Variants in SUSD6 observed in about 807,000 individuals in gnomAD.
SUSD6 encodes sushi domain-containing protein 6.
A neutral mutation model predicts 28.4 loss-of-function variants in SUSD6; 16 were observed. The observed-to-expected ratio is 0.56, with a 90% CI of 0.38 to 0.86. The LOEUF (loss-of-function observed/expected upper bound fraction) is 0.86. Ranked by LOEUF, SUSD6 falls within the 40% of genes least tolerant of loss-of-function variation. The probability of loss-of-function intolerance (pLI) is 0.00; values close to 1 mark genes in which losing one functional copy is unlikely to be tolerated. For missense variants in SUSD6, 341 were observed against 384.2 expected, an observed-to-expected ratio of 0.89 and a Z score of 0.94; for synonymous variants, 147 against 159.6, an observed-to-expected ratio of 0.92 and a Z score of 0.59.
intron 1 of SUSD6, among the ~76,000 whole-genome samples, chr14:69,614,878 G>A (rs147936629): frequency 3.2e-4 from 48 of 152,320 alleles, no homozygotes; most frequent in African/African-American, 1.1e-3. Flanking sequence ...TTGCAGGCCC[G>A]AATGTCAGCA....
chr14:69,648,370 G>C (rs538407168), intron 1 of SUSD6, among the ~76,000 whole-genome samples: 2 of 152,296 alleles, frequency 1.3e-5, no homozygotes, highest in African/African-American at 4.8e-5. Flanking sequence ...AACACAAGTA[G>C]AATCCAAGTC....
At chr14:69,677,296 A>G (rs1350350118) in intron 2 of SUSD6, among the ~76,000 whole-genome samples, 2 of 152,246 alleles carry the variant, frequency 1.3e-5, no homozygotes, top group Non-Finnish European at 2.9e-5. Flanking sequence ...CTGTAATCCC[A>G]GCACTTTGGG....
chr14:69,619,875 C>A (rs750865001), intron 1 of SUSD6, among the ~76,000 whole-genome samples: 11 of 152,220 alleles, frequency 7.2e-5, no homozygotes, highest in Non-Finnish European at 1.6e-4. Context: ...CCTACCAAAC[C>A]CTTCAGAGCT....
At chr14:69,696,559 T>C (rs996291152) in intron 2 of SUSD6, among the ~76,000 whole-genome samples, 6 of 152,386 alleles carry the variant, frequency 3.9e-5, no homozygotes, top group African/African-American at 1.4e-4. Flanking sequence ...TAAATAACTT[T>C]AAGAGACCCT....
At chr14:69,693,539 A>C (rs1342862348) in intron 2 of SUSD6, among the ~76,000 whole-genome samples, 2 of 152,180 alleles carry the variant, frequency 1.3e-5, no homozygotes, top group African/African-American at 4.8e-5. Flanking sequence ...CCAAATATCC[A>C]GAAATTTCTG....
chr14:69,705,142 C>T (rs1886369571), intron 4 of SUSD6, among the ~76,000 whole-genome samples: 3 of 151,794 alleles, frequency 2.0e-5, no homozygotes, highest in African/African-American at 4.8e-5. Flanking sequence ...ATGGTGAAAC[C>T]CTGTCTCTAC....
chr14:69,711,855 T>A lies in SUSD6; in HGVS notation c.*876T>A, dbSNP rs943583346. 5.3e-5 allele frequency: 8 copies of A among 152,356 alleles called. No individual in the cohort carries two copies. Among genetic ancestry groups the A allele is most frequent in the African/African-American group, 1.9e-4 (8 of 41,574 alleles). 9.4% of individuals were successfully genotyped at this position (152,356 alleles called of 1,614,324 possible). Reference sequence around the variant, plus strand: ...GTCTTTTTTTTGTTTCCCTGGAGTATAATGGGAAGTTGCATGCTGCCTCCT... The same window carrying A: ...GTCTTTTTTTTGTTTCCCTGGAGTAAAATGGGAAGTTGCATGCTGCCTCCT... On this transcript the variant is annotated 3_prime_UTR_variant, in exon 6 of 6. Coordinates refer to ENST00000342745, the MANE Select transcript of SUSD6 (RefSeq NM_014734.4).
At chr14:69,685,925 G>A (rs1886066213) in intron 2 of SUSD6, among the ~76,000 whole-genome samples, 1 of 152,214 alleles carries the variant, frequency 6.6e-6, no homozygotes, top group African/African-American at 2.4e-5. Flanking sequence ...CAGTCGTGAG[G>A]TGTGGCTGCC....
intron 2 of SUSD6, among the ~76,000 whole-genome samples, chr14:69,662,545 G>A (rs1044451282): frequency 9.2e-5 from 14 of 152,308 alleles, no homozygotes; most frequent in African/African-American, 3.4e-4. Flanking sequence ...TTTAAATGGG[G>A]AGAATTATTG....
rs376430666 is a variant in SUSD6, at chr14:69,698,244, C to T, written c.122-5151C>T. On this transcript the variant is annotated intron_variant, in intron 2 of 5. Transcript: ENST00000342745. ...TCAGGAGGCTGAGGCAGGAGAATCG[C>T]TTGAACCCATGAGGCAGAGGTTGCA... is the stretch of plus-strand genomic sequence containing the variant. 7.9e-5 allele frequency among the ~76,000 whole-genome samples: 12 copies of T among 152,230 alleles called. No homozygotes were observed. In the East Asian group the frequency reaches 2.3e-3, roughly 29 times the overall value.
intron 2 of SUSD6, among the ~76,000 whole-genome samples, chr14:69,665,353 G>A (rs1389463787): frequency 6.6e-6 from 1 of 152,068 alleles, no homozygotes; most frequent in Non-Finnish European, 1.5e-5. Context: ...TGATCCTCCC[G>A]CCTCACCACC....
intron 1 of SUSD6, among the ~76,000 whole-genome samples, chr14:69,649,046 C>T (rs888156701): frequency 1.3e-5 from 2 of 152,170 alleles, no homozygotes; most frequent in African/African-American, 2.4e-5. Context: ...CTCCCTACTC[C>T]CATCAGAAGT....
At chr14:69,653,262 C>T (rs1885529451) in intron 1 of SUSD6, among the ~76,000 whole-genome samples, 1 of 152,168 alleles carries the variant, frequency 6.6e-6, no homozygotes, top group Non-Finnish European at 1.5e-5. Flanking sequence ...GCTGAGGCCT[C>T]CTGCTACCAC....
intron 2 of SUSD6, among the ~76,000 whole-genome samples, chr14:69,693,691 T>C (rs1594720326): frequency 6.6e-6 from 1 of 152,216 alleles, no homozygotes. Flanking sequence ...GCAGTTTTGT[T>C]AGTCTTCTAA....
chr14:69,642,645 G>GC (rs911296850), intron 1 of SUSD6, among the ~76,000 whole-genome samples: 8 of 115,794 alleles, frequency 6.9e-5, no homozygotes, highest in Admixed American at 2.0e-4. Flanking sequence ...CAATTACCCC[G>GC]CCCCCCGCCC....
intron 1 of SUSD6, among the ~76,000 whole-genome samples, chr14:69,619,257 GC>G (rs1229632865): frequency 6.6e-6 from 1 of 151,712 alleles, no homozygotes; most frequent in Non-Finnish European, 1.5e-5. Context: ...AATTACAAAG[GC>G]AGTGAGTCAT....
intron 1 of SUSD6, among the ~76,000 whole-genome samples, chr14:69,613,784 T>G (rs927524118): frequency 1.3e-5 from 2 of 152,236 alleles, no homozygotes; most frequent in Non-Finnish European, 2.9e-5. Context: ...TTGGATACTG[T>G]AGTAGAAATG....
chr14:69,708,769 G>A lies in SUSD6; in HGVS notation c.551G>A (p.Ser184Asn), dbSNP rs760114005. The change falls in exon 5 of 6, where the codon AGT becomes AAT. Residue 184 changes from serine to asparagine, a missense_variant. Ser to Asn is a conservative substitution (Grantham distance 46, BLOSUM62 1). Transcript: ENST00000342745. ...LPSYEEAVYG[S>N]SGHCVPPADP... is the part of the protein sequence containing the mutation. ...TCATACGAGGAGGCTGTATATGGCA[G>A]TTCTGGTCACTGTGTGCCACCTGCT... The A allele has an allele frequency of 1.2e-6, 2 of 1,614,088 alleles. No homozygotes were observed. Among genetic ancestry groups the A allele is most frequent in the Non-Finnish European group, 1.7e-6 (2 of 1,180,046 alleles).
chr14:69,652,062 C>G (rs956317895), intron 1 of SUSD6, among the ~76,000 whole-genome samples: 4 of 152,212 alleles, frequency 2.6e-5, no homozygotes, highest in African/African-American at 9.7e-5. Context: ...TCTGGACTCT[C>G]ACCACTACTA....
Sources: gnomAD v4.1 joint callset for allele counts (sites outside exome capture counted in the v4.1 genomes callset) on GRCh38, gnomAD v4.1.1 for gene constraint, MANE v1.5 for transcripts, NCBI Gene and HGNC (gene_info 2026-07-23, HGNC 2026-07-21) for gene names.